The following VEPH1 variants were observed in gnomAD, a reference collection of about 807,000 sequenced individuals.
VEPH1 encodes the protein ventricular zone-expressed PH domain-containing protein homolog 1.
In VEPH1, 80 loss-of-function variants were observed where a neutral mutation model predicts 85.2. The ratio of observed to expected loss-of-function variants is 0.94; its 90% CI spans 0.78 to 1.13. VEPH1 has a LOEUF of 1.13. VEPH1 is among the 50% of genes most tolerant of loss of function. VEPH1 has a pLI of 0.00. For synonymous variants in VEPH1, 297 were observed against 348.0 expected (o/e 0.85, Z 1.63); for missense variants, 955 against 980.5 (o/e 0.97, Z 0.35).
intron 9 of VEPH1, among the ~76,000 whole-genome samples, chr3:157,356,569 C>G (rs2108742872): frequency 6.6e-6 from 1 of 152,284 alleles, no homozygotes; most frequent in East Asian, 1.9e-4. Flanking sequence ...AATCTACCCT[C>G]CTCCACCCCC....
chr3:157,495,056 T>A (rs1467371514), intron 2 of VEPH1, among the ~76,000 whole-genome samples, 156 bp downstream of exon 2: 1 of 152,216 alleles, frequency 6.6e-6, no homozygotes, highest in Non-Finnish European at 1.5e-5. Context: ...CTGATATTTC[T>A]TAGATGCCAA....
intron 5 of VEPH1, among the ~76,000 whole-genome samples, chr3:157,423,401 T>G (rs1007820269): frequency 6.6e-6 from 1 of 152,196 alleles, no homozygotes; most frequent in Non-Finnish European, 1.5e-5. Context: ...AAAGACACAG[T>G]TGGGGTACCC....
intron 7 of VEPH1, among the ~76,000 whole-genome samples, chr3:157,374,562 C>T (rs1727882848): frequency 6.6e-6 from 1 of 152,218 alleles, no homozygotes; most frequent in Admixed American, 6.5e-5. Context: ...TGAATACTAG[C>T]TCTTCAAGTC....
At chr3:157,445,828 A>G (rs1476809083) in intron 4 of VEPH1, among the ~76,000 whole-genome samples, 1 of 152,132 alleles carries the variant, frequency 6.6e-6, no homozygotes, top group Non-Finnish European at 1.5e-5. Flanking sequence ...AACAAAAACA[A>G]CTACGCACTT....
intron 12 of VEPH1, among the ~76,000 whole-genome samples, chr3:157,274,615 A>G (rs1369312038): frequency 6.6e-6 from 1 of 152,112 alleles, no homozygotes; most frequent in Admixed American, 6.5e-5. Flanking sequence ...CTCCTGCCTC[A>G]GCCCCCCAAG....
intron 6 of VEPH1, among the ~76,000 whole-genome samples, chr3:157,409,329 C>A (rs1390852427): frequency 6.6e-6 from 1 of 152,136 alleles, no homozygotes; most frequent in African/African-American, 2.4e-5. Flanking sequence ...TTCAACTGAG[C>A]ATACCAGAGA....
At chr3:157,272,377 T>TC (rs1553754687) in intron 12 of VEPH1, among the ~76,000 whole-genome samples, 2 of 80,170 alleles carry the variant, frequency 2.5e-5, no homozygotes, top group East Asian at 6.2e-4. Flanking sequence ...TCTCTTTCTT[T>TC]TCTTTCTTTC....
chr3:157,285,746 T>C (rs188519346), intron 12 of VEPH1, among the ~76,000 whole-genome samples: 33 of 152,286 alleles, frequency 2.2e-4, no homozygotes, highest in Non-Finnish European at 4.3e-4. Context: ...TTTCCACTGG[T>C]TGGATTGAGC....
intron 9 of VEPH1, among the ~76,000 whole-genome samples, chr3:157,343,430 A>G (rs1253811756): frequency 2.0e-5 from 3 of 152,238 alleles, no homozygotes; most frequent in Non-Finnish European, 2.9e-5. Context: ...AATATAGAAG[A>G]AATGGATAAA....
At chr3:157,488,503 C>CTT (rs368748738) in intron 2 of VEPH1, among the ~76,000 whole-genome samples, 2,833 of 133,972 alleles carry the variant, frequency 0.021, 53 homozygotes, top group Non-Finnish European at 0.029. Context: ...TTCTTTCTTT[C>CTT]TTTCTTTTTT....
intron 9 of VEPH1, among the ~76,000 whole-genome samples, chr3:157,320,375 CAA>C (rs1225528132): frequency 6.6e-6 from 1 of 152,090 alleles, no homozygotes; most frequent in East Asian, 1.9e-4. Context: ...GAAAAATGAT[CAA>C]GATTTTGAAC....
chr3:157,486,768 T>G (rs2109668696), intron 2 of VEPH1, among the ~76,000 whole-genome samples: 1 of 152,264 alleles, frequency 6.6e-6, no homozygotes, highest in South Asian at 2.1e-4. Flanking sequence ...TTTACACAGA[T>G]TAGCCATAAA....
chr3:157,393,546 A>G (rs1730082144), intron 6 of VEPH1, among the ~76,000 whole-genome samples: 1 of 152,206 alleles, frequency 6.6e-6, no homozygotes, highest in African/African-American at 2.4e-5. Context: ...GTTTTATTAT[A>G]AAGATTACTG....
At chr3:157,270,062 T>C (rs1274357072) in intron 12 of VEPH1, among the ~76,000 whole-genome samples, 1 of 152,012 alleles carries the variant, frequency 6.6e-6, no homozygotes, top group East Asian at 1.9e-4. Context: ...GTGACCAGGC[T>C]GAGCAACATA....
At chr3:157,304,433 A>G (rs1719240234) in intron 11 of VEPH1, among the ~76,000 whole-genome samples, 2 of 152,204 alleles carry the variant, frequency 1.3e-5, no homozygotes, top group South Asian at 4.1e-4. Flanking sequence ...AACACGTGTT[A>G]ATAAAGGCCT....
intron 12 of VEPH1, among the ~76,000 whole-genome samples, chr3:157,275,393 T>C (rs924041894): frequency 6.6e-6 from 1 of 151,994 alleles, no homozygotes; most frequent in Non-Finnish European, 1.5e-5. Context: ...CTGGGCAACA[T>C]GGTGAAATTC....
At chr3:157,451,007 A>T (rs1055919922) in intron 4 of VEPH1, among the ~76,000 whole-genome samples, 5 of 152,202 alleles carry the variant, frequency 3.3e-5, no homozygotes, top group Admixed American at 3.3e-4. Context: ...CTATGTTCAT[A>T]ATTAAGATGG....
At chr3:157,337,507 G>T (rs76452299) in intron 9 of VEPH1, among the ~76,000 whole-genome samples, 1 of 151,904 alleles carries the variant, frequency 6.6e-6, no homozygotes, top group East Asian at 1.9e-4. Flanking sequence ...TGCTCCATAA[G>T]GTCAAAATAT....
intron 3 of VEPH1, among the ~76,000 whole-genome samples, chr3:157,467,176 A>T (rs917938377): frequency 6.7e-6 from 1 of 150,068 alleles, no homozygotes; most frequent in African/African-American, 2.5e-5. Flanking sequence ...AATGACAGTG[A>T]AGTGGCCAGA....
Sources: allele counts gnomAD v4.1 joint callset (sites outside exome capture counted in the v4.1 genomes callset), GRCh38; gene constraint gnomAD v4.1.1; transcripts MANE v1.5; gene names NCBI Gene and HGNC (gene_info 2026-07-23, HGNC 2026-07-21).